Variants in PDE1C observed in about 807,000 individuals in gnomAD.
PDE1C encodes phosphodiesterase 1C, also known as dual specificity calcium/calmodulin-dependent 3',5'-cyclic nucleotide phosphodiesterase 1C.
A neutral mutation model predicts 93.1 loss-of-function variants in PDE1C; 62 were observed. The ratio of observed to expected loss-of-function variants is 0.67; its 90% CI spans 0.54 to 0.82. The LOEUF is 0.82. Ranked by LOEUF, PDE1C falls within the 40% of genes least tolerant of loss-of-function variation. The pLI is 0.00. For synonymous variants in PDE1C, 325 were observed against 310.1 expected (o/e 1.05, Z -0.50); for missense variants, 742 against 884.6 (o/e 0.84, Z 2.04).
intron 1 of PDE1C, among the ~76,000 whole-genome samples, chr7:32,398,632 T>G (rs425453): frequency 0.92 from 140,512 of 151,928 alleles, 65,717 homozygotes; most frequent in East Asian, 1. Context: ...CAAGTGATCC[T>G]CCCGTCTCGG....
At chr7:31,875,793 C>CTACATA (rs1554387703) in intron 5 of PDE1C, among the ~76,000 whole-genome samples, 1 of 43,082 alleles carries the variant, frequency 2.3e-5, no homozygotes, top group Non-Finnish European at 5.9e-5. Flanking sequence ...AAGCTTACAT[C>CTACATA]TATATATATA....
At chr7:32,103,339 C>A (rs1230764856) in intron 3 of PDE1C, among the ~76,000 whole-genome samples, 3 of 152,040 alleles carry the variant, frequency 2.0e-5, no homozygotes, top group African/African-American at 7.2e-5. Flanking sequence ...CCTGAGAAGA[C>A]CCCCAAGACT....
intron 1 of PDE1C, among the ~76,000 whole-genome samples, chr7:32,062,065 A>T (rs560374228): frequency 6.6e-6 from 1 of 152,054 alleles, no homozygotes; most frequent in Non-Finnish European, 1.5e-5. Context: ...CTCCCCTCAT[A>T]GTCAGTATGT....
the PDE1C span, among the ~76,000 whole-genome samples, chr7:31,715,146 T>A: frequency 4.3e-4 from 66 of 152,308 alleles, no homozygotes; most frequent in African/African-American, 1.5e-3. Context: ...TTCCAACAAT[T>A]GTAATCATTT....
At chr7:32,070,602 C>A, upstream of PDE1C, 1 of 1,420,810 alleles carries the variant, frequency 7.0e-7, no homozygotes, top group Non-Finnish European at 9.2e-7. Context: ...GCTCCGGAGG[C>A]AGCTGCGGGA....
At chr7:32,027,153 C>T (rs1200647223) in intron 2 of PDE1C, among the ~76,000 whole-genome samples, 1 of 152,084 alleles carries the variant, frequency 6.6e-6, no homozygotes, top group Admixed American at 6.6e-5. Flanking sequence ...AATCATAATA[C>T]ATACTCTGAA....
chr7:32,115,310 T>G (rs370395210), intron 3 of PDE1C, among the ~76,000 whole-genome samples: 3 of 152,252 alleles, frequency 2.0e-5, no homozygotes, highest in East Asian at 3.9e-4. Context: ...GAGATTATGT[T>G]CTTCGCAGGG....
chr7:32,405,186 A>G (rs1785027543), intron 1 of PDE1C, among the ~76,000 whole-genome samples: 1 of 152,160 alleles, frequency 6.6e-6, no homozygotes, highest in Non-Finnish European at 1.5e-5. Flanking sequence ...TGAAGTCTTC[A>G]AAGAGATTTG....
chr7:32,000,318 A>G (rs1322576917), intron 2 of PDE1C, among the ~76,000 whole-genome samples: 1 of 152,176 alleles, frequency 6.6e-6, no homozygotes, highest in African/African-American at 2.4e-5. Flanking sequence ...TCTGGCGCAT[A>G]GTGAGAACTC....
chr7:31,645,842 A>G, the PDE1C span, among the ~76,000 whole-genome samples: 3 of 152,166 alleles, frequency 2.0e-5, no homozygotes, highest in African/African-American at 7.2e-5. Context: ...AGCCACCACA[A>G]CAATGAATTC....
intron 2 of PDE1C, among the ~76,000 whole-genome samples, chr7:32,005,887 C>A (rs1786184030): frequency 6.6e-6 from 1 of 152,216 alleles, no homozygotes; most frequent in East Asian, 1.9e-4. Context: ...TTTTTTTCTG[C>A]ACGTACTGTT....
chr7:31,692,435 T>A, the PDE1C span: 182 of 1,599,762 alleles, frequency 1.1e-4, no homozygotes, highest in Non-Finnish European at 1.5e-4. Flanking sequence ...CCACCCACCC[T>A]CCTTTGATGA....
chr7:32,419,024 A>G (rs1399162570), intron 1 of PDE1C, among the ~76,000 whole-genome samples: 1 of 152,202 alleles, frequency 6.6e-6, no homozygotes, highest in East Asian at 1.9e-4. Context: ...TCAGTAAGGG[A>G]GCCCAGTACT....
At chr7:31,700,867 T>C in the PDE1C span, among the ~76,000 whole-genome samples, 1 of 152,312 alleles carries the variant, frequency 6.6e-6, no homozygotes, top group African/African-American at 2.4e-5. Flanking sequence ...CATAATTTAC[T>C]GAATAATTTA....
intron 3 of PDE1C, among the ~76,000 whole-genome samples, chr7:32,169,146 C>T (rs560996302): frequency 3.3e-5 from 5 of 152,200 alleles, no homozygotes; most frequent in East Asian, 1.9e-4. Context: ...AAAAAAATCA[C>T]GTTTTTACAC....
chr7:32,365,266 A>G (rs1784208787), intron 1 of PDE1C, among the ~76,000 whole-genome samples: 1 of 152,134 alleles, frequency 6.6e-6, no homozygotes, highest in South Asian at 2.1e-4. Flanking sequence ...CAAATCTCCA[A>G]GCTAGCCAAG....
At chr7:31,812,147 T>C (rs546617026) in intron 15 of PDE1C, among the ~76,000 whole-genome samples, 3 of 152,250 alleles carry the variant, frequency 2.0e-5, no homozygotes, top group African/African-American at 7.2e-5. Flanking sequence ...GGCTTTCTTA[T>C]TATTGCTCTA....
chr7:31,744,996 TACG>T, the PDE1C span, among the ~76,000 whole-genome samples: 3 of 152,144 alleles, frequency 2.0e-5, no homozygotes, highest in Non-Finnish European at 1.5e-5. Context: ...TTTTGAAAGA[TACG>T]ACATTTCAAT....
chr7:32,220,819 A>AAAAAAC (rs1398657110), intron 1 of PDE1C, among the ~76,000 whole-genome samples: 3 of 152,152 alleles, frequency 2.0e-5, no homozygotes, highest in Non-Finnish European at 1.5e-5. Context: ...CTCCATCTCA[A>AAAAAAC]AAAAACAAAA....
Sources: allele counts gnomAD v4.1 joint callset (sites outside exome capture counted in the v4.1 genomes callset), GRCh38; gene constraint gnomAD v4.1.1; transcripts MANE v1.5; gene names NCBI Gene and HGNC (gene_info 2026-07-23, HGNC 2026-07-21).